GNA14: variants seen among roughly 807,000 people sequenced by gnomAD.
The protein encoded by GNA14 is guanine nucleotide-binding protein subunit alpha-14.
In GNA14, 50 loss-of-function variants were observed where a neutral mutation model predicts 42.0. The ratio of observed to expected loss-of-function variants is 1.19; its 90% CI spans 0.95 to 1.51. The LOEUF (loss-of-function observed/expected upper bound fraction) is 1.51, where lower values mean the gene tolerates loss of function less well. Ranked by LOEUF, GNA14 falls within the 40% of genes most tolerant of loss-of-function variation. The pLI, the probability that GNA14 is intolerant of heterozygous loss-of-function variation, is 0.00. For synonymous variants in GNA14, 173 were observed against 163.1 expected, an observed-to-expected ratio of 1.06 and a Z score of -0.46; for missense variants, 473 against 446.2, an observed-to-expected ratio of 1.06 and a Z score of -0.54.
chr9:77,441,556 G>C (rs1835735776), intron 2 of GNA14, among the ~76,000 whole-genome samples: 1 of 152,184 alleles, frequency 6.6e-6, no homozygotes, highest in Admixed American at 6.5e-5. Context: ...TGTCTACTGT[G>C]ATGTGCAAGC....
intron 2 of GNA14, among the ~76,000 whole-genome samples, chr9:77,447,089 G>A (rs1477737939): frequency 2.0e-5 from 3 of 151,704 alleles, no homozygotes; most frequent in Non-Finnish European, 4.4e-5. Flanking sequence ...TCAGCCTCCC[G>A]AGTAGCTGGG....
chr9:77,537,305 C>T (rs759220783), intron 1 of GNA14, among the ~76,000 whole-genome samples: 1 of 152,056 alleles, frequency 6.6e-6, no homozygotes, highest in Non-Finnish European at 1.5e-5. Flanking sequence ...TGTTTTATCT[C>T]CCACCTATGA....
intron 1 of GNA14, among the ~76,000 whole-genome samples, chr9:77,567,484 G>A (rs182831060): frequency 6.6e-6 from 1 of 152,146 alleles, no homozygotes; most frequent in Non-Finnish European, 1.5e-5. Context: ...AATAAGATGA[G>A]AGCTACAAAT....
intron 1 of GNA14, among the ~76,000 whole-genome samples, chr9:77,603,894 A>G (rs1033794892): frequency 1.4e-4 from 20 of 143,008 alleles, no homozygotes; most frequent in Non-Finnish European, 2.3e-4. Context: ...CAGTGAGCCA[A>G]GATTGCACCA....
chr9:77,561,101 G>C (rs1822875989), intron 1 of GNA14, among the ~76,000 whole-genome samples: 1 of 152,116 alleles, frequency 6.6e-6, no homozygotes, highest in African/African-American at 2.4e-5. Flanking sequence ...TTTTTAAAAG[G>C]CTTTTATATA....
intron 5 of GNA14, 152 bp from the exon 6 acceptor site, chr9:77,425,867 C>G (rs1351044620): frequency 6.4e-6 from 4 of 623,742 alleles, no homozygotes; most frequent in Non-Finnish European, 1.1e-5. Flanking sequence ...GGGCCCCAGG[C>G]TACAGGCCTC....
At chr9:77,529,903 A>G (rs1248271429) in intron 1 of GNA14, among the ~76,000 whole-genome samples, 1 of 152,220 alleles carries the variant, frequency 6.6e-6, no homozygotes, top group Non-Finnish European at 1.5e-5. Context: ...CTCTACATTC[A>G]TATTAGATTG....
At chr9:77,592,599 C>T (rs147503085) in intron 1 of GNA14, among the ~76,000 whole-genome samples, 15 of 152,320 alleles carry the variant, frequency 9.8e-5, no homozygotes, top group Non-Finnish European at 1.9e-4. Flanking sequence ...TATAGCACCA[C>T]ACCAGCCTGA....
At chr9:77,439,859 A>G (rs1835702299) in intron 2 of GNA14, among the ~76,000 whole-genome samples, 1 of 152,078 alleles carries the variant, frequency 6.6e-6, no homozygotes, top group Non-Finnish European at 1.5e-5. Flanking sequence ...GAGTCGGAAG[A>G]GGACAAGGGT....
chr9:77,486,996 T>C (rs920402765), intron 2 of GNA14, among the ~76,000 whole-genome samples: 2 of 148,446 alleles, frequency 1.3e-5, no homozygotes, highest in African/African-American at 5.0e-5. Context: ...CAATGTAGTG[T>C]TACCACAAAC....
At chr9:77,590,333 G>A (rs2117885334) in intron 1 of GNA14, among the ~76,000 whole-genome samples, 1 of 152,270 alleles carries the variant, frequency 6.6e-6, no homozygotes, top group East Asian at 1.9e-4. Context: ...TGCACTGAAG[G>A]GGACTGATGT....
intron 1 of GNA14, among the ~76,000 whole-genome samples, chr9:77,614,862 T>G (rs1275905315): frequency 1.3e-5 from 2 of 152,240 alleles, no homozygotes; most frequent in Non-Finnish European, 2.9e-5. Context: ...TGAGAAAGAA[T>G]CTTTTCCTCA....
chr9:77,429,173 T>G (rs1424166743), intron 4 of GNA14, 137 bp from the exon 5 acceptor site: 1 of 785,498 alleles, frequency 1.3e-6, no homozygotes, highest in Non-Finnish European at 2.1e-6. Context: ...GTTCTAAGTT[T>G]TAAAATGTTT....
At chr9:77,490,520 C>G (rs1836751731) in intron 2 of GNA14, among the ~76,000 whole-genome samples, 1 of 152,256 alleles carries the variant, frequency 6.6e-6, no homozygotes, top group Non-Finnish European at 1.5e-5. Flanking sequence ...AGTCCCGAGG[C>G]CTGCCTCGCG....
At chr9:77,615,813 C>T (rs1253152513) in intron 1 of GNA14, among the ~76,000 whole-genome samples, 2 of 151,610 alleles carry the variant, frequency 1.3e-5, no homozygotes, top group Non-Finnish European at 2.9e-5. Context: ...TGCGAACCTT[C>T]CAAGTCCAAC....
At chr9:77,632,615 TG>T (rs1421541588) in intron 1 of GNA14, among the ~76,000 whole-genome samples, 2 of 152,138 alleles carry the variant, frequency 1.3e-5, no homozygotes, top group African/African-American at 4.8e-5. Context: ...TGACTCCCTT[TG>T]GGGCCCTAAG....
intron 1 of GNA14, among the ~76,000 whole-genome samples, chr9:77,633,685 T>TG (rs1406041740): frequency 6.6e-6 from 1 of 151,626 alleles, no homozygotes; most frequent in African/African-American, 2.4e-5. Flanking sequence ...TTTGCCCCCA[T>TG]GGGGTAGATT....
intron 2 of GNA14, among the ~76,000 whole-genome samples, chr9:77,471,323 G>T (rs893957170): frequency 6.6e-6 from 1 of 152,134 alleles, no homozygotes; most frequent in African/African-American, 2.4e-5. Context: ...GTGCTTGAAG[G>T]TTGGTCTTGC....
chr9:77,465,525 T>C (rs1836206909), intron 2 of GNA14, among the ~76,000 whole-genome samples: 1 of 152,062 alleles, frequency 6.6e-6, no homozygotes, highest in Admixed American at 6.5e-5. Context: ...AGGAGTAGAA[T>C]TGCTGCGTAA....
Sources: gnomAD v4.1 joint callset for allele counts (sites outside exome capture counted in the v4.1 genomes callset) on GRCh38, gnomAD v4.1.1 for gene constraint, MANE v1.5 for transcripts, NCBI Gene and HGNC (gene_info 2026-07-23, HGNC 2026-07-21) for gene names.